The following OR6N1 variants were observed in gnomAD, a reference collection of about 807,000 sequenced individuals.
OR6N1 encodes the protein olfactory receptor 6N1.
For synonymous variants in OR6N1, 170 were observed against 150.7 expected, an observed-to-expected ratio of 1.13 and a Z score of -0.94; for missense variants, 394 against 371.7, an observed-to-expected ratio of 1.06 and a Z score of -0.49.
chr1:158,820,488 T>C, the OR6N1 span, among the ~76,000 whole-genome samples: 1 of 152,250 alleles, frequency 6.6e-6, no homozygotes, highest in African/African-American at 2.4e-5. Context: ...TTAAGTAAGA[T>C]AATTTAAGTT....
the OR6N1 span, among the ~76,000 whole-genome samples, chr1:158,790,242 T>C: frequency 8.5e-5 from 13 of 152,320 alleles, no homozygotes; most frequent in East Asian, 2.5e-3. Flanking sequence ...TGCTATACTT[T>C]TGTAGTATAT....
chr1:158,773,896 T>C (rs1657489214), upstream of OR6N1, among the ~76,000 whole-genome samples: 1 of 152,212 alleles, frequency 6.6e-6, no homozygotes, highest in South Asian at 2.1e-4. Context: ...CTTACCACTT[T>C]AGTGCCTGCA....
rs1657235007 is a variant in OR6N1, at chr1:158,765,758, C to T, written c.925G>A (p.Gly309Arg). The T allele has an allele frequency of 6.2e-7, 1 of 1,613,032 alleles. No homozygotes were observed. Among genetic ancestry groups the T allele is most frequent in the Non-Finnish European group, 8.5e-7 (1 of 1,179,230 alleles). ...TCAGCCCCAACTCATGCCAATATCC[C>T]AATTCTCTTTAGCTGCCTCCTCACA... ...EAVRRQLKRI[G>R]ILA Residue 309 changes from glycine to arginine, a missense_variant, in exon 2 of 2, where the codon GGG becomes AGG. By Grantham distance (125) the Gly-to-Arg change is moderately radical. Transcript: ENST00000641846.
In OR6N1 at chr1:158,765,986, C is replaced by T. The variant is rs372945339; in HGVS notation, c.697G>A (p.Gly233Ser). 2.4e-5 allele frequency: 38 copies of T among 1,613,996 alleles called. No individual in the cohort carries two copies. Among genetic ancestry groups the T allele is most frequent in the Middle Eastern group, 1.6e-4 (1 of 6,084 alleles). Residue 233 changes from glycine to serine, a missense_variant, in exon 2 of 2, where the codon GGC becomes AGC. Transcript: ENST00000641846. The stretch of plus-strand genomic sequence containing the variant: ...CACGTGGAGATGGCCTTCCTCTTGC[C>T]GGCAGCTGAGGGAATTCTGAGCACT... ...CTVLRIPSAAGKRKAISTCAS... is the reference protein window; with the variant it reads ...CTVLRIPSAASKRKAISTCAS...
the OR6N1 span, among the ~76,000 whole-genome samples, chr1:158,833,462 C>A: frequency 4.6e-5 from 7 of 152,194 alleles, no homozygotes; most frequent in Non-Finnish European, 8.8e-5. Context: ...AAAACTCTAA[C>A]CGTTAACCAA....
At chr1:158,828,055 T>C in the OR6N1 span, among the ~76,000 whole-genome samples, 2 of 152,180 alleles carry the variant, frequency 1.3e-5, no homozygotes, top group Non-Finnish European at 2.9e-5. Flanking sequence ...GAGAACAGCA[T>C]GGGAAAGACC....
chr1:158,769,029 C>A (rs1657347061), intron 1 of OR6N1, among the ~76,000 whole-genome samples: 1 of 152,118 alleles, frequency 6.6e-6, no homozygotes, highest in Admixed American at 6.5e-5. Flanking sequence ...AATATAGTTA[C>A]AACTCAATAA....
the OR6N1 span, among the ~76,000 whole-genome samples, chr1:158,811,811 C>A: frequency 6.6e-6 from 1 of 152,174 alleles, no homozygotes; most frequent in Admixed American, 6.5e-5. Flanking sequence ...TCATACCAAC[C>A]TGAAAAATTT....
At chr1:158,818,297 A>G in the OR6N1 span, among the ~76,000 whole-genome samples, 1 of 152,184 alleles carries the variant, frequency 6.6e-6, no homozygotes, top group Admixed American at 6.5e-5. Flanking sequence ...TGGTCACTCA[A>G]TAGTTTTACT....
chr1:158,809,987 C>T, the OR6N1 span, among the ~76,000 whole-genome samples: 10,120 of 152,132 alleles, frequency 0.067, 450 homozygotes, highest in Non-Finnish European at 0.1. Context: ...AGCCAGAGGT[C>T]CTATGGTATA....
chr1:158,775,260 G>T (rs1390564788), upstream of OR6N1: 1 of 152,170 alleles, frequency 6.6e-6, no homozygotes, highest in Admixed American at 6.5e-5. Context: ...AGCATCACTG[G>T]AAATTGATAT....
chr1:158,812,643 G>C, the OR6N1 span, among the ~76,000 whole-genome samples: 771 of 152,246 alleles, frequency 5.1e-3, 4 homozygotes, highest in African/African-American at 0.018. Context: ...TACATTATGA[G>C]AAATGATTAA....
chr1:158,828,011 A>C, the OR6N1 span, among the ~76,000 whole-genome samples: 2 of 152,154 alleles, frequency 1.3e-5, no homozygotes, highest in African/African-American at 4.8e-5. Flanking sequence ...TTTTTTAAAA[A>C]CCGTCAGATC....
chr1:158,786,796 G>A, the OR6N1 span, among the ~76,000 whole-genome samples: 4 of 152,136 alleles, frequency 2.6e-5, no homozygotes, highest in African/African-American at 9.7e-5. Context: ...AAGCTATGTG[G>A]ATGCAAAGGC....
the OR6N1 span, among the ~76,000 whole-genome samples, chr1:158,830,213 C>T: frequency 2.6e-5 from 4 of 152,312 alleles, no homozygotes; most frequent in African/African-American, 9.6e-5. Flanking sequence ...TTCCTCTTTA[C>T]CCTTTACCTT....
the OR6N1 span, among the ~76,000 whole-genome samples, chr1:158,791,245 A>G: frequency 6.6e-6 from 1 of 152,166 alleles, no homozygotes; most frequent in Non-Finnish European, 1.5e-5. Context: ...AATGCTATAA[A>G]CATCGCTTTT....
At chr1:158,804,183 T>A in the OR6N1 span, among the ~76,000 whole-genome samples, 1 of 152,218 alleles carries the variant, frequency 6.6e-6, no homozygotes, top group Non-Finnish European at 1.5e-5. Flanking sequence ...GGTCCTTGAC[T>A]TTTAGGATTG....
chr1:158,777,712 C>A, the OR6N1 span: 2 of 827,336 alleles, frequency 2.4e-6, no homozygotes, highest in Middle Eastern at 3.1e-4. Context: ...AACTTCATTT[C>A]TCTCTCTCTC....
chr1:158,818,002 A>G, the OR6N1 span, among the ~76,000 whole-genome samples: 2 of 152,182 alleles, frequency 1.3e-5, no homozygotes, highest in African/African-American at 4.8e-5. Context: ...GTAAAACCAG[A>G]GTGATGATGA....
Sources: allele counts gnomAD v4.1 joint callset (sites outside exome capture counted in the v4.1 genomes callset), GRCh38; gene constraint gnomAD v4.1.1; transcripts MANE v1.5; gene names NCBI Gene and HGNC (gene_info 2026-07-23, HGNC 2026-07-21).